Variants in GASK1B observed in about 807,000 individuals in gnomAD.
The protein encoded by GASK1B is golgi associated kinase 1B.
GASK1B carries 34 observed loss-of-function variants against 42.8 expected under a neutral mutation model. The ratio of observed to expected loss-of-function variants is 0.79; its 90% CI spans 0.60 to 1.06. The LOEUF is 1.06. Ranked by LOEUF, GASK1B falls within the 50% of genes least tolerant of loss-of-function variation. The pLI, the probability that GASK1B is intolerant of heterozygous loss-of-function variation, is 0.00. For synonymous variants in GASK1B, 262 were observed against 259.1 expected (o/e 1.01, Z -0.11); for missense variants, 686 against 661.0 (o/e 1.04, Z -0.42).
intron 3 of GASK1B, among the ~76,000 whole-genome samples, chr4:158,144,466 G>A (rs1368538039): frequency 1.3e-5 from 2 of 152,086 alleles, no homozygotes; most frequent in Non-Finnish European, 2.9e-5. Context: ...CCACAATACT[G>A]TTCAGTGCTT....
At chr4:158,156,624 G>C (rs1474451232) in intron 2 of GASK1B, among the ~76,000 whole-genome samples, 1 of 152,118 alleles carries the variant, frequency 6.6e-6, no homozygotes, top group Non-Finnish European at 1.5e-5. Context: ...CATAAACAAG[G>C]AAGACCATGA....
intron 3 of GASK1B, among the ~76,000 whole-genome samples, chr4:158,146,557 AC>A (rs1392044239): frequency 6.6e-6 from 1 of 152,136 alleles, no homozygotes; most frequent in East Asian, 1.9e-4. Flanking sequence ...CTATATACGC[AC>A]CATTATTATT....
intron 3 of GASK1B, among the ~76,000 whole-genome samples, chr4:158,140,374 T>C (rs1345856721): frequency 2.6e-5 from 4 of 152,202 alleles, no homozygotes; most frequent in East Asian, 3.8e-4. Flanking sequence ...ATACTTATCC[T>C]ACTTTTGCAC....
chr4:158,131,052 A>G (rs747661133), intron 3 of GASK1B, 40 bp from the exon 4 acceptor site: 23 of 1,546,220 alleles, frequency 1.5e-5, no homozygotes, highest in Non-Finnish European at 2.0e-5. Flanking sequence ...GCTGAGTGAA[A>G]ACAAAACTTG....
chr4:158,131,834 G>A (rs868005870), intron 3 of GASK1B, among the ~76,000 whole-genome samples: 5 of 150,254 alleles, frequency 3.3e-5, no homozygotes, highest in East Asian at 3.9e-4. Context: ...TTCCATCACC[G>A]ACTCTCAATG....
chr4:158,139,142 C>G (rs907970245), intron 3 of GASK1B, among the ~76,000 whole-genome samples: 1 of 152,152 alleles, frequency 6.6e-6, no homozygotes, highest in Non-Finnish European at 1.5e-5. Context: ...ACGAGTGACT[C>G]GTGTGGATTT....
intron 2 of GASK1B, among the ~76,000 whole-genome samples, chr4:158,160,120 A>C (rs1317782227): frequency 6.6e-6 from 1 of 152,198 alleles, no homozygotes; most frequent in Non-Finnish European, 1.5e-5. Context: ...CATTAAAAAC[A>C]ACTCTATAAT....
chr4:158,163,429 C>T (rs183100968), intron 2 of GASK1B, among the ~76,000 whole-genome samples: 249 of 152,074 alleles, frequency 1.6e-3, no homozygotes, highest in African/African-American at 5.8e-3. Context: ...ATTAGCCGGG[C>T]GTGGTGACAG....
At chr4:158,140,310 A>G (rs1480273828) in intron 3 of GASK1B, among the ~76,000 whole-genome samples, 2 of 152,210 alleles carry the variant, frequency 1.3e-5, no homozygotes, top group African/African-American at 2.4e-5. Flanking sequence ...TCTCTTAGTG[A>G]TATGTGTCCA....
intron 2 of GASK1B, among the ~76,000 whole-genome samples, chr4:158,166,358 A>G (rs1732230290): frequency 6.6e-6 from 1 of 152,214 alleles, no homozygotes; most frequent in Admixed American, 6.5e-5. Context: ...CAGTCCTGCC[A>G]ATTTAGAAAA....
In GASK1B at chr4:158,170,728, C is replaced by T. The variant is rs1440788474; in HGVS notation, c.648G>A (p.Leu216=). 7 of 1,614,130 alleles carry T rather than the reference C, an allele frequency of 4.3e-6. No individual in the cohort carries two copies. The highest frequency in any genetic ancestry group is 5.9e-6 in the Non-Finnish European group (7 of 1,180,052). Residue 216 remains leucine (L), a synonymous_variant, in exon 2 of 5, where the codon CTG becomes CTA. Transcript: ENST00000585682. ...GCATTCTTCGGATGTCATCTTTGCT[C>T]AGCCAGGAGGGGGCGCTCTCGCTGT... ...RIYSESAPSW[L]SKDDIRRMRL... is the part of the protein sequence containing the mutation.
chr4:158,171,108 G>A lies in GASK1B; in HGVS notation c.268C>T (p.Leu90=). 6.2e-7 allele frequency: 1 copy of A among 1,609,726 alleles called. No individual in the cohort carries two copies. Among genetic ancestry groups the A allele is most frequent in the Non-Finnish European group, 8.5e-7 (1 of 1,176,698 alleles). The change falls in exon 2 of 5, where the codon CTG becomes TTG. Residue 90 remains leucine (L), a synonymous_variant. Transcript: ENST00000585682. ...TTGCCCTGGGACTCTGGAGGGGCCA[G>A]GGTACCATCCAGGGGTATCTCAGGG... is the stretch of plus-strand genomic sequence containing the variant. ...SFPEIPLDGT[L]APPESQGNGS...
intron 3 of GASK1B, among the ~76,000 whole-genome samples, chr4:158,148,186 C>G (rs1489963408): frequency 1.3e-5 from 2 of 152,066 alleles, no homozygotes; most frequent in African/African-American, 4.8e-5. Flanking sequence ...TGCACTCCAG[C>G]CTGGGGAACA....
intron 2 of GASK1B, chr4:158,170,261 T>TA (rs1280243895): frequency 1.2e-6 from 2 of 1,614,046 alleles, no homozygotes; most frequent in Non-Finnish European, 1.7e-6. Flanking sequence ...GCATGTCCAA[T>TA]ACAGCATTTC....
chr4:158,149,565 G>A (rs2346780), intron 3 of GASK1B, among the ~76,000 whole-genome samples: 5 of 152,142 alleles, frequency 3.3e-5, no homozygotes, highest in Non-Finnish European at 7.3e-5. Context: ...GACTTCACTG[G>A]CAGGTTCAAA....
rs766856509 is a variant in GASK1B at position 158,124,797 on chromosome 4, C to G, written c.*2610G>C. On this transcript the variant is annotated 3_prime_UTR_variant, in exon 5 of 5. Coordinates refer to ENST00000585682, the MANE Select transcript of GASK1B (RefSeq NM_001128424.2). ...AGCAAACATTCCTCTGTACCTAGCT[C>G]TGAAAACACATCTACAAAAGCAAAT... 1 of 152,100 alleles carries G rather than the reference C, an allele frequency of 6.6e-6. No homozygotes were observed. The highest frequency in any genetic ancestry group is 1.5e-5 in the Non-Finnish European group (1 of 68,004). The allele number at this position is 152,100 out of a possible 1,614,324, so 9.4% of individuals were successfully genotyped here. A position where few individuals can be genotyped will look rare whatever the true frequency, so the allele number is the denominator to read the frequency against.
In GASK1B at chr4:158,162,448, G is replaced by A. The variant is rs140806740; in HGVS notation, c.911-6623C>T. On this transcript the variant is annotated intron_variant, in intron 2 of 4. Coordinates refer to ENST00000585682, the MANE Select transcript of GASK1B (RefSeq NM_001128424.2). ...CAGAATCCCCCAATGTTCATGGATA[G>A]CTCTTAGAGTCTAAGGAATGGTCCA... 1.9e-3 allele frequency among the ~76,000 whole-genome samples: 292 copies of A among 152,268 alleles called. 2 individuals are homozygous for A. Among genetic ancestry groups the A allele is most frequent in the African/African-American group, 6.5e-3 (269 of 41,554 alleles).
Position 158,170,642 on chromosome 4 carries a change from C to A in GASK1B, c.734G>T (p.Arg245Leu). Residue 245 changes from arginine to leucine, a missense_variant, in exon 2 of 5, where the codon CGT (arginine) becomes CTT (leucine). By Grantham distance (102) the Arg-to-Leu change is moderately radical. Transcript: ENST00000585682. ...TGCGCCCCCCTCCAGCACCAGCAAA[C>A]GGGCTCCGCTCCTAGAGGACACAGG... ...LRPVSSRSGA[R>L]LLVLEGGAPG... 1 of 1,613,878 alleles carries A rather than the reference C, an allele frequency of 6.2e-7. No individual in the cohort carries two copies. The highest frequency in any genetic ancestry group is 1.7e-5 in the Admixed American group (1 of 60,036).
intron 3 of GASK1B, among the ~76,000 whole-genome samples, chr4:158,140,500 A>G (rs986812145): frequency 6.6e-6 from 1 of 152,330 alleles, no homozygotes; most frequent in Non-Finnish European, 1.5e-5. Flanking sequence ...ATTGAGCCCA[A>G]TGAGTATCTG....
Sources: allele counts gnomAD v4.1 joint callset (sites outside exome capture counted in the v4.1 genomes callset), GRCh38; gene constraint gnomAD v4.1.1; transcripts MANE v1.5; gene names NCBI Gene and HGNC (gene_info 2026-07-23, HGNC 2026-07-21).